The following DOK6 variants were observed in gnomAD, a reference collection of about 807,000 sequenced individuals.
DOK6 encodes the protein downstream of tyrosine kinase 6.
Under a neutral mutation model 44.0 loss-of-function variants are expected in DOK6, and 22 were observed. The observed-to-expected ratio is 0.50, with a 90% CI of 0.36 to 0.71. The LOEUF is 0.71. DOK6 is among the 30% of genes least tolerant of loss of function. DOK6 has a pLI of 0.00. For synonymous variants in DOK6, 166 were observed against 145.5 expected, an observed-to-expected ratio of 1.14 and a Z score of -1.01; for missense variants, 340 against 416.4, an observed-to-expected ratio of 0.82 and a Z score of 1.60.
intron 1 of DOK6, among the ~76,000 whole-genome samples, chr18:69,415,041 G>T (rs922587800): frequency 6.6e-6 from 1 of 152,018 alleles, no homozygotes; most frequent in African/African-American, 2.4e-5. Context: ...TATGAATTGG[G>T]TAGAAGAACA....
intron 1 of DOK6, among the ~76,000 whole-genome samples, chr18:69,550,777 C>CTTTTTTTTT (rs10538639): frequency 1.6e-5 from 2 of 121,436 alleles, no homozygotes; most frequent in African/African-American, 3.0e-5. Context: ...TTGTTTCTTT[C>CTTTTTTTTT]TTTTTTTTTT....
At chr18:69,700,593 T>C (rs546509284) in intron 5 of DOK6, among the ~76,000 whole-genome samples, 148 of 152,316 alleles carry the variant, frequency 9.7e-4, no homozygotes, top group Non-Finnish European at 5.1e-4. Flanking sequence ...ATCTGTCCTT[T>C]GGACACAGTT....
chr18:69,724,740 C>G (rs1978297652), intron 5 of DOK6: 1 of 152,158 alleles, frequency 6.6e-6, no homozygotes, highest in Non-Finnish European at 1.5e-5. Flanking sequence ...GTCTTCTCCC[C>G]CATCTTACGT....
chr18:69,443,040 T>C (rs1979180532), intron 1 of DOK6, among the ~76,000 whole-genome samples: 1 of 152,148 alleles, frequency 6.6e-6, no homozygotes, highest in African/African-American at 2.4e-5. Context: ...GATCACTCAT[T>C]TTTTTTCATT....
At chr18:69,415,545 A>ACCAGATATT (rs1978326938) in intron 1 of DOK6, among the ~76,000 whole-genome samples, 2 of 152,136 alleles carry the variant, frequency 1.3e-5, no homozygotes, top group Admixed American at 1.3e-4. Context: ...AAAGATAGGC[A>ACCAGATATT]CCAGATATTT....
At chr18:69,562,455 G>A (rs371616806) in intron 1 of DOK6, among the ~76,000 whole-genome samples, 1 of 152,284 alleles carries the variant, frequency 6.6e-6, no homozygotes, top group East Asian at 1.9e-4. Context: ...ATAGTTTGAA[G>A]TCAGGTAGTG....
Position 69,848,162 on chromosome 18 carries a change from T to C in DOK6, c.*6779T>C, listed in dbSNP as rs1348780149. 1 of 152,196 alleles carries C rather than the reference T, an allele frequency of 6.6e-6. No individual in the cohort carries two copies. Among genetic ancestry groups the C allele is most frequent in the Non-Finnish European group, 1.5e-5 (1 of 68,032 alleles). The allele number at this position is 152,196 out of a possible 1,614,324, so 9.4% of individuals were successfully genotyped here. On this transcript the variant is annotated 3_prime_UTR_variant, in exon 8 of 8. Coordinates refer to ENST00000382713, the MANE Select transcript of DOK6 (RefSeq NM_152721.6). ...CCATCCTGCAAAATCCTTATCCCTA[T>C]GAATCTCTAAAATATATTAAATAAT...
intron 1 of DOK6, among the ~76,000 whole-genome samples, chr18:69,435,242 T>C (rs530251980): frequency 6.6e-6 from 1 of 152,314 alleles, no homozygotes; most frequent in African/African-American, 2.4e-5. Context: ...GTATTTGCAC[T>C]TGCACATTGG....
chr18:69,519,115 A>T (rs901907027), intron 1 of DOK6, among the ~76,000 whole-genome samples: 1 of 152,056 alleles, frequency 6.6e-6, no homozygotes, highest in Non-Finnish European at 1.5e-5. Context: ...TGAGTATAAG[A>T]ATGGGAATAT....
At position 69,698,462 on chromosome 18, in the gene DOK6, A is replaced by C; in HGVS notation, c.468A>C (p.Thr156=). ...ACCTGGATATTTATGGTGAATGCAC[A>C]ATGCAGATCACTCATGAAAATATCT... The part of the protein sequence containing the change: ...TPNLDIYGEC[T]MQITHENIYL... Residue 156 remains threonine (T), a synonymous_variant, in exon 5 of 8, where the codon ACA becomes ACC. Coordinates refer to ENST00000382713, the MANE Select transcript of DOK6 (RefSeq NM_152721.6). The C allele has an allele frequency of 6.2e-7, 1 of 1,614,062 alleles. No individual in the cohort carries two copies. The highest frequency in any genetic ancestry group is 8.5e-7 in the Non-Finnish European group (1 of 1,179,916).
intron 2 of DOK6, among the ~76,000 whole-genome samples, chr18:69,587,676 G>T (rs1794504179): frequency 6.6e-6 from 1 of 151,966 alleles, no homozygotes; most frequent in Non-Finnish European, 1.5e-5. Context: ...TAAAATTGCA[G>T]CTCTCAAAGT....
intron 1 of DOK6, among the ~76,000 whole-genome samples, chr18:69,502,609 G>A (rs1981076722): frequency 6.6e-6 from 1 of 151,986 alleles, no homozygotes; most frequent in African/African-American, 2.4e-5. Context: ...AAATTCTGAG[G>A]TGGTTACTTT....
chr18:69,500,117 T>C (rs1296690237), intron 1 of DOK6, among the ~76,000 whole-genome samples: 1 of 152,148 alleles, frequency 6.6e-6, no homozygotes, highest in Non-Finnish European at 1.5e-5. Context: ...TACAGGTACA[T>C]GAGATTGTGT....
intron 1 of DOK6, among the ~76,000 whole-genome samples, chr18:69,465,077 T>A (rs962976264): frequency 4.6e-5 from 7 of 152,216 alleles, no homozygotes; most frequent in African/African-American, 1.7e-4. Context: ...TAAAGTTTGT[T>A]TAACCCAATA....
intron 7 of DOK6, among the ~76,000 whole-genome samples, chr18:69,839,537 T>G (rs1471663258): frequency 6.6e-6 from 1 of 152,200 alleles, no homozygotes; most frequent in East Asian, 1.9e-4. Flanking sequence ...TTTCCTTCAC[T>G]ATATCATCAG....
At chr18:69,694,296 T>C (rs889860620) in intron 4 of DOK6, among the ~76,000 whole-genome samples, 2 of 151,688 alleles carry the variant, frequency 1.3e-5, no homozygotes, top group African/African-American at 4.8e-5. Context: ...AGTTGCAGCC[T>C]TACCCCTGTA....
intron 2 of DOK6, among the ~76,000 whole-genome samples, chr18:69,596,239 G>C (rs1983737610): frequency 6.6e-6 from 1 of 152,042 alleles, no homozygotes; most frequent in South Asian, 2.1e-4. Context: ...CATATGTGAA[G>C]TAATATATGC....
At chr18:69,407,059 C>T (rs1276051164) in intron 1 of DOK6, among the ~76,000 whole-genome samples, 1 of 152,044 alleles carries the variant, frequency 6.6e-6, no homozygotes, top group Non-Finnish European at 1.5e-5. Context: ...CCAGTCTGGG[C>T]AACAAGAGCG....
chr18:69,514,678 C>T (rs1981466615), intron 1 of DOK6, among the ~76,000 whole-genome samples: 1 of 151,080 alleles, frequency 6.6e-6, no homozygotes, highest in Non-Finnish European at 1.5e-5. Context: ...TAATTTATCC[C>T]ACATCTTTCA....
Sources: allele counts gnomAD v4.1 joint callset (sites outside exome capture counted in the v4.1 genomes callset), GRCh38; gene constraint gnomAD v4.1.1; transcripts MANE v1.5; gene names NCBI Gene and HGNC (gene_info 2026-07-23, HGNC 2026-07-21).